Variants in CAMK4 observed in about 807,000 individuals in gnomAD.
The protein encoded by CAMK4 is calcium/calmodulin dependent protein kinase IV.
A neutral mutation model predicts 44.9 loss-of-function variants in CAMK4; 22 were observed. The ratio of observed to expected loss-of-function variants is 0.49; its 90% CI spans 0.35 to 0.70. CAMK4 has a LOEUF of 0.70. Ranked by LOEUF, CAMK4 falls within the 30% of genes least tolerant of loss-of-function variation. CAMK4 has a pLI of 0.01. For synonymous variants in CAMK4, 218 were observed against 215.4 expected (o/e 1.01, Z -0.11); for missense variants, 498 against 586.8 (o/e 0.85, Z 1.56).
intron 2 of CAMK4, chr5:111,357,965 A>C (rs1750437950): frequency 6.6e-6 from 1 of 152,056 alleles, no homozygotes; most frequent in Non-Finnish European, 1.5e-5. Context: ...TTTTTTATAG[A>C]TGCCATGAAG....
chr5:111,230,362 A>C (rs538554590), intron 1 of CAMK4, among the ~76,000 whole-genome samples: 1 of 152,336 alleles, frequency 6.6e-6, no homozygotes, highest in South Asian at 2.1e-4. Flanking sequence ...AGTTAAATCA[A>C]GTTGGACTAA....
At position 111,409,766 on chromosome 5, in the gene CAMK4, C is replaced by T. The variant is rs547832849; in HGVS notation, c.459+14984C>T. 2.5e-4 allele frequency among the ~76,000 whole-genome samples: 38 copies of T among 152,318 alleles called. No homozygotes were observed. In the South Asian group the frequency reaches 7.5e-3, roughly 30 times the overall value. ...CATCTCTCTCAAGTTCAAGGTTCCA[C>T]ATATCTCTAGGGCAGGGGCAAAATG... On this transcript the variant is annotated intron_variant, in intron 5 of 10. Coordinates refer to ENST00000282356, the MANE Select transcript of CAMK4 (RefSeq NM_001744.6).
At chr5:111,265,011 G>A (rs1750173894) in intron 1 of CAMK4, among the ~76,000 whole-genome samples, 1 of 151,556 alleles carries the variant, frequency 6.6e-6, no homozygotes, top group African/African-American at 2.4e-5. Context: ...CCCTTCCTCC[G>A]AGACACCCTC....
intron 7 of CAMK4, among the ~76,000 whole-genome samples, chr5:111,471,677 T>C (rs1479463162): frequency 2.6e-5 from 4 of 152,328 alleles, no homozygotes; most frequent in Non-Finnish European, 5.9e-5. Flanking sequence ...GTACAAAAAA[T>C]TGTGAAATTC....
intron 5 of CAMK4, among the ~76,000 whole-genome samples, chr5:111,402,306 T>C (rs1412955047): frequency 2.0e-5 from 3 of 152,222 alleles, no homozygotes; most frequent in South Asian, 2.1e-4. Context: ...CTTAATAAAT[T>C]GTACAGGATG....
At chr5:111,396,087 CTG>C (rs1751995671) in intron 5 of CAMK4, among the ~76,000 whole-genome samples, 1 of 152,002 alleles carries the variant, frequency 6.6e-6, no homozygotes, top group Non-Finnish European at 1.5e-5. Flanking sequence ...AGGGAGGACT[CTG>C]ATATCTAACT....
chr5:111,429,080 G>A (rs976073265), intron 5 of CAMK4, among the ~76,000 whole-genome samples: 1 of 151,990 alleles, frequency 6.6e-6, no homozygotes, highest in Non-Finnish European at 1.5e-5. Flanking sequence ...GCACCTTAAA[G>A]AATTAGAAAA....
intron 7 of CAMK4, among the ~76,000 whole-genome samples, chr5:111,454,871 T>A (rs1580775958): frequency 6.8e-6 from 1 of 146,714 alleles, no homozygotes; most frequent in South Asian, 2.2e-4. Flanking sequence ...TAAAAAAAAA[T>A]TATATCTAAT....
intron 1 of CAMK4, among the ~76,000 whole-genome samples, chr5:111,229,012 A>G (rs753318075): frequency 6.6e-5 from 10 of 152,210 alleles, no homozygotes; most frequent in Non-Finnish European, 2.9e-5. Context: ...TATATTCTAC[A>G]TGGTAACATG....
intron 1 of CAMK4, among the ~76,000 whole-genome samples, chr5:111,330,167 G>T (rs1749103117): frequency 6.7e-6 from 1 of 148,188 alleles, no homozygotes; most frequent in South Asian, 2.2e-4. Flanking sequence ...TAAGATAAAT[G>T]TCACCATACA....
intron 5 of CAMK4, among the ~76,000 whole-genome samples, chr5:111,442,060 A>G (rs31327): frequency 0.85 from 129,723 of 152,196 alleles, 55,783 homozygotes; most frequent in African/African-American, 0.96. Flanking sequence ...CCTATTATTC[A>G]GCTCTTTAAA....
At chr5:111,391,523 T>TA (rs879774691) in intron 4 of CAMK4, among the ~76,000 whole-genome samples, 2,267 of 143,444 alleles carry the variant, frequency 0.016, 45 homozygotes, top group African/African-American at 0.051. Flanking sequence ...AGAACACCCA[T>TA]AAAAAAAAAA....
At chr5:111,324,042 T>A (rs1306390595) in intron 1 of CAMK4, among the ~76,000 whole-genome samples, 1 of 152,000 alleles carries the variant, frequency 6.6e-6, no homozygotes, top group Non-Finnish European at 1.5e-5. Context: ...AAATAAGATA[T>A]ATACTATAAT....
rs149207611 is a variant in CAMK4 at position 111,493,518 on chromosome 5, T to C, written c.*9052T>C. 7.2e-5 allele frequency: 11 copies of C among 152,322 alleles called. No homozygotes were observed. The East Asian group carries it at 1.7e-3, about 24-fold the overall frequency. The allele number at this position is 152,322 out of a possible 1,614,324, so 9.4% of individuals were successfully genotyped here. ...AACCTTTTCAGTTATTTGACCTGAA[T>C]AGGCAATCCCCCAGGATTTCTGATT... On this transcript the variant is annotated 3_prime_UTR_variant, in exon 11 of 11. Coordinates refer to ENST00000282356, the MANE Select transcript of CAMK4 (RefSeq NM_001744.6). This position sits in a 1 kb window ranked among gnomAD's most constrained non-coding sequence, Gnocchi z 4.1.
At chr5:111,385,735 A>G (rs909196721) in intron 4 of CAMK4, among the ~76,000 whole-genome samples, 4 of 152,044 alleles carry the variant, frequency 2.6e-5, no homozygotes, top group Non-Finnish European at 5.9e-5. Context: ...CACCAGGTCC[A>G]GCTAATTTTT....
intron 1 of CAMK4, among the ~76,000 whole-genome samples, chr5:111,331,647 C>T: frequency 6.6e-6 from 1 of 151,694 alleles, no homozygotes. Context: ...TGCCCTCCTA[C>T]AAGACGGCTC....
chr5:111,298,887 C>T (rs947548223), intron 1 of CAMK4, among the ~76,000 whole-genome samples: 1 of 152,200 alleles, frequency 6.6e-6, no homozygotes, highest in Admixed American at 6.5e-5. Flanking sequence ...AACATAACAG[C>T]CCTGCAGGGG....
rs10524853 is a variant in CAMK4, at chr5:111,406,194, T to TTCTCTCTCTCTCTCTCTCTCTC, written c.459+11421_459+11442dup. On this transcript the variant is annotated intron_variant, in intron 5 of 10. Coordinates refer to ENST00000282356, the MANE Select transcript of CAMK4 (RefSeq NM_001744.6). ...TCCTGTTTCCTTCTCCTAATTTATT[T>TTCTCTCTCTCTCTCTCTCTCTC]TCTCTCTCTCTCTCTCTCTCTCTCT... Among the ~76,000 whole-genome samples the TTCTCTCTCTCTCTCTCTCTCTC allele has an allele frequency of 4.4e-4, 60 of 136,842 alleles. 1 individual carries two copies. The highest frequency in any genetic ancestry group is 1.7e-3 in the African/African-American group (59 of 35,272). The allele number at this position is 136,842 out of a possible 152,430, so 89.8% of individuals were successfully genotyped here.
At chr5:111,310,255 A>C (rs1025290056) in intron 1 of CAMK4, among the ~76,000 whole-genome samples, 4 of 152,158 alleles carry the variant, frequency 2.6e-5, no homozygotes, top group Admixed American at 6.5e-5. Flanking sequence ...TCCATTCTCT[A>C]GTAAACATCC....
Sources: gnomAD v4.1 joint callset for allele counts (sites outside exome capture counted in the v4.1 genomes callset) on GRCh38, gnomAD v4.1.1 for gene constraint, Gnocchi (gnomAD v3.1) non-coding constraint, MANE v1.5 for transcripts, NCBI Gene and HGNC (gene_info 2026-07-23, HGNC 2026-07-21) for gene names.